REDIC1: variants seen among roughly 807,000 people sequenced by gnomAD.
REDIC1 encodes HEI10 Interacting Protein 1.
chr12:39,711,750 CATGCAT>C, the REDIC1 span, among the ~76,000 whole-genome samples: 4,483 of 106,932 alleles, frequency 0.042, 247 homozygotes, highest in Middle Eastern at 0.096. Flanking sequence ...TGTGTATACA[CATGCAT>C]GTGTATGTGT....
chr12:39,826,553 A>G, the REDIC1 span, among the ~76,000 whole-genome samples: 57 of 151,040 alleles, frequency 3.8e-4, no homozygotes, highest in African/African-American at 1.3e-3. Context: ...TACTTGTAAC[A>G]TCTATATTTA....
chr12:39,754,828 A>T, the REDIC1 span, among the ~76,000 whole-genome samples: 1 of 152,104 alleles, frequency 6.6e-6, no homozygotes. Context: ...ATTCTTTAGA[A>T]CAATTTTTAG....
the REDIC1 span, among the ~76,000 whole-genome samples, chr12:39,656,869 G>C: frequency 6.6e-6 from 1 of 152,074 alleles, no homozygotes; most frequent in African/African-American, 2.4e-5. Flanking sequence ...AGGCTGTAAA[G>C]AAAAATTTTT....
the REDIC1 span, among the ~76,000 whole-genome samples, chr12:39,813,437 C>T: frequency 6.6e-5 from 10 of 152,100 alleles, no homozygotes; most frequent in African/African-American, 2.4e-4. Context: ...GTCACTTAAT[C>T]CACCTCTCCT....
the REDIC1 span, among the ~76,000 whole-genome samples, chr12:39,904,506 C>T: frequency 6.6e-6 from 1 of 152,122 alleles, no homozygotes; most frequent in African/African-American, 2.4e-5. Context: ...TTATGGTATA[C>T]TTCAAGACCT....
At chr12:39,746,434 C>T in the REDIC1 span, among the ~76,000 whole-genome samples, 88 of 152,228 alleles carry the variant, frequency 5.8e-4, no homozygotes, top group African/African-American at 2.0e-3. Context: ...CCGGGAAGCT[C>T]GAACTGGGTG....
At chr12:39,868,194 G>C in the REDIC1 span, among the ~76,000 whole-genome samples, 3 of 152,162 alleles carry the variant, frequency 2.0e-5, no homozygotes, top group Admixed American at 6.5e-5. Flanking sequence ...GGTGTACTGT[G>C]TAGTTTTGGC....
chr12:39,670,744 T>C, the REDIC1 span, among the ~76,000 whole-genome samples: 1 of 8,050 alleles, frequency 1.2e-4, no homozygotes, highest in African/African-American at 2.1e-4. Context: ...TTTCTTCTTC[T>C]TTTTTTTTTT....
the REDIC1 span, among the ~76,000 whole-genome samples, chr12:39,826,864 T>TTTTTTTTTTTTTTTTC: frequency 7.0e-6 from 1 of 143,508 alleles, no homozygotes; most frequent in Non-Finnish European, 1.5e-5. Flanking sequence ...ATTTTTTTTT[T>TTTTTTTTTTTTTTTTC]TTTTTTTTGC....
chr12:39,651,940 G>A, the REDIC1 span, among the ~76,000 whole-genome samples: 2 of 151,994 alleles, frequency 1.3e-5, no homozygotes, highest in South Asian at 2.1e-4. Context: ...GATCTGCTTT[G>A]TGTTGCTCTG....
chr12:39,880,555 A>G, the REDIC1 span, among the ~76,000 whole-genome samples: 1 of 152,242 alleles, frequency 6.6e-6, no homozygotes, highest in Non-Finnish European at 1.5e-5. Context: ...CAATGATACA[A>G]AAATCATAGA....
the REDIC1 span, among the ~76,000 whole-genome samples, chr12:39,740,980 T>TTA: frequency 0.072 from 10,495 of 146,506 alleles, 1,245 homozygotes; most frequent in African/African-American, 0.25. Context: ...TATTATTATT[T>TTA]TTTTGAGATG....
the REDIC1 span, among the ~76,000 whole-genome samples, chr12:39,780,704 A>G: frequency 1.3e-5 from 2 of 152,228 alleles, no homozygotes; most frequent in Non-Finnish European, 2.9e-5. Context: ...AACACTACAA[A>G]TGTATTACAA....
chr12:39,727,217 T>A, the REDIC1 span, among the ~76,000 whole-genome samples: 3 of 152,196 alleles, frequency 2.0e-5, no homozygotes, highest in Non-Finnish European at 4.4e-5. Flanking sequence ...AGTCATGAGG[T>A]CTTTGCCCAT....
At chr12:39,731,948 C>A in the REDIC1 span, among the ~76,000 whole-genome samples, 1 of 151,996 alleles carries the variant, frequency 6.6e-6, no homozygotes, top group East Asian at 1.9e-4. Flanking sequence ...ATTCTAACCT[C>A]CACCCAAGTG....
chr12:39,795,321 C>T, the REDIC1 span, among the ~76,000 whole-genome samples: 1 of 152,216 alleles, frequency 6.6e-6, no homozygotes, highest in South Asian at 2.1e-4. Context: ...TAAATCTACA[C>T]AGTTTTAAAC....
the REDIC1 span, among the ~76,000 whole-genome samples, chr12:39,887,499 A>T: frequency 6.6e-6 from 1 of 152,298 alleles, no homozygotes; most frequent in African/African-American, 2.4e-5. Flanking sequence ...ACAGGGATAG[A>T]AAAAAGGGGA....
At chr12:39,776,429 C>G in the REDIC1 span, among the ~76,000 whole-genome samples, 148 of 152,290 alleles carry the variant, frequency 9.7e-4, 2 homozygotes, top group African/African-American at 3.3e-3. Flanking sequence ...TGCCCAGTGC[C>G]CTAGGAAGCG....
the REDIC1 span, among the ~76,000 whole-genome samples, chr12:39,651,031 G>T: frequency 3.9e-5 from 6 of 152,090 alleles, no homozygotes; most frequent in Non-Finnish European, 7.4e-5. Flanking sequence ...ATCCACAGGG[G>T]ATATGTTCCA....
Sources: gnomAD v4.1 joint callset for allele counts (sites outside exome capture counted in the v4.1 genomes callset) on GRCh38, gnomAD v4.1.1 for gene constraint, MANE v1.5 for transcripts, NCBI Gene and HGNC (gene_info 2026-07-23, HGNC 2026-07-21) for gene names.